NEB: variants seen among roughly 807,000 people sequenced by gnomAD.
NEB encodes nebulin, also known as nemaline myopathy type 2.
A neutral mutation model predicts 952.2 loss-of-function variants in NEB; 512 were observed. The ratio of observed to expected loss-of-function variants is 0.54; its 90% confidence interval spans 0.50 to 0.58. NEB has a LOEUF of 0.58. Ranked by LOEUF, NEB falls within the 20% of genes least tolerant of loss-of-function variation. The pLI, the probability that NEB is intolerant of heterozygous loss-of-function variation, is 0.00. For missense variants in NEB, 8,428 were observed against 9,231.1 expected (o/e 0.91, Z 3.56); for synonymous variants, 2,900 against 3,149.8 (o/e 0.92, Z 2.66).
rs544057137 is a variant in NEB, at chr2:151,561,993, G to A, written c.18996+117C>T. The A allele has an allele frequency of 3.7e-5, 27 of 738,506 alleles. No homozygotes were observed. In the East Asian group the frequency reaches 6.7e-4, roughly 18 times the overall value. 45.7% of individuals were successfully genotyped at this position (738,506 alleles called of 1,614,324 possible). On this transcript the variant is annotated intron_variant, in intron 121 of 181. Coordinates refer to ENST00000397345, the MANE Select transcript of NEB (RefSeq NM_001164508.2). ...CTTTGATTGGGAGAGGAGGGGCTTT[G>A]GTCAGTTAGAGCCTACACTGTTACA...
intron 20 of NEB, 23 bp downstream of exon 20, chr2:151,694,300 G>A: frequency 6.3e-7 from 1 of 1,585,392 alleles, no homozygotes; most frequent in Admixed American, 1.7e-5. Flanking sequence ...CTGAAAATAG[G>A]GGTGAATTAC....
rs781120429 is a variant in NEB, at chr2:151,727,737, G to T, written c.248C>A (p.Thr83Asn). Reference sequence around the variant, plus strand: ...TTTCTGACTGTGTGCAATGTAGGGGGTCATGAACTTTGAAGGATCCACTTT... The same window carrying T: ...TTTCTGACTGTGTGCAATGTAGGGGTTCATGAACTTTGAAGGATCCACTTT... The part of the protein sequence containing the change: ...RKKVDPSKFM[T>N]PYIAHSQKMQ... The change falls in exon 5 of 182, where the codon ACC (threonine) becomes AAC (asparagine). Residue 83 changes from threonine to asparagine, a missense_variant. Transcript: ENST00000397345. 3.7e-6 allele frequency: 6 copies of T among 1,613,676 alleles called. No homozygotes were observed. The highest frequency in any genetic ancestry group is 1.1e-5 in the South Asian group (1 of 91,086).
At position 151,729,622 on chromosome 2, in the gene NEB, G is replaced by A. The variant is rs185496567; in HGVS notation, c.71C>T (p.Pro24Leu). ...CTGTGGGCTGGGCCTTACCTCTCCC[G>A]GCACCTCTTCGTAAACCACTTCTTC... Reference protein sequence around the residue: ...YTEEVVYEEVPGETITKIYET... With the variant: ...YTEEVVYEEVLGETITKIYET... Residue 24 changes from proline to leucine, a missense_variant, in exon 4 of 182, where the codon CCG becomes CTG. This residue lies in a region of NEB where 2,851 missense variants were observed against 2,791.5 expected (regional missense o/e 1.02). Transcript: ENST00000397345. 136 of 1,613,224 alleles carry A rather than the reference G, an allele frequency of 8.4e-5. No individual in the cohort carries two copies. The African/African-American group carries it at 1.5e-3, about 18-fold the overall frequency.
intron 168 of NEB, among the ~76,000 whole-genome samples, chr2:151,500,252 C>CAAAG (rs1013988052): frequency 1.3e-5 from 2 of 151,994 alleles, no homozygotes; most frequent in African/African-American, 2.4e-5. Context: ...CTAATTATGT[C>CAAAG]AAAGAATCAA....
At chr2:151,541,635 A>T in intron 135 of NEB, 84 bp from the exon 136 acceptor site, 1 of 1,067,474 alleles carries the variant, frequency 9.4e-7, no homozygotes, top group Non-Finnish European at 1.4e-6. Flanking sequence ...GCTTTTACAT[A>T]GAAAAGGCAG....
At chr2:151,538,346 G>T in intron 138 of NEB, 102 bp from the exon 139 acceptor site, 2 of 873,762 alleles carry the variant, frequency 2.3e-6, no homozygotes, top group Non-Finnish European at 3.6e-6. Context: ...GTTTTCCCAT[G>T]AATACATTTA....
chr2:151,702,809 G>A (rs1205659338), intron 13 of NEB, among the ~76,000 whole-genome samples: 1 of 152,148 alleles, frequency 6.6e-6, no homozygotes, highest in Non-Finnish European at 1.5e-5. Flanking sequence ...GATGGGTCTT[G>A]ACTCTTTATC....
At position 151,682,676 on chromosome 2, in the gene NEB, C is replaced by T. The variant is rs1472842974; in HGVS notation, c.2929G>A (p.Asp977Asn). Residue 977 changes from aspartate (D) to asparagine (N), a missense_variant, in exon 29 of 182, where the codon GAC becomes AAC. Asp to Asn is a conservative substitution (Grantham distance 23). This residue lies in a region of NEB where 2,851 missense variants were observed against 2,791.5 expected (regional missense o/e 1.02). Coordinates refer to ENST00000397345, the MANE Select transcript of NEB (RefSeq NM_001164508.2). The stretch of plus-strand genomic sequence containing the variant: ...AGTGGCTTTACCTCATTGAGGATGT[C>T]TGAAGCTCGCTTTGCCTTTTCCATT... ...LEMEKAKRAS[D>N]ILNEKKYRQH... is the part of the protein sequence containing the mutation. 1 of 1,612,518 alleles carries T rather than the reference C, an allele frequency of 6.2e-7. No individual in the cohort carries two copies. Among genetic ancestry groups the T allele is most frequent in the Non-Finnish European group, 8.5e-7 (1 of 1,179,084 alleles).
In NEB at chr2:151,640,237, G is replaced by A. The variant is rs572744443; in HGVS notation, c.8685+118C>T. Reference sequence around the variant, plus strand: ...AAGGATTAAAATTCCTGTCGATAAAGGCAATGCTATTTGCCTCCTCCAGGG... The same window carrying A: ...AAGGATTAAAATTCCTGTCGATAAAAGCAATGCTATTTGCCTCCTCCAGGG... On this transcript the variant is annotated intron_variant, in intron 61 of 181. Coordinates refer to ENST00000397345, the MANE Select transcript of NEB (RefSeq NM_001164508.2). 7.3e-6 allele frequency: 11 copies of A among 1,499,052 alleles called. No homozygotes were observed. The South Asian group carries it at 1.3e-4, about 17-fold the overall frequency. The allele number at this position is 1,499,052 out of a possible 1,614,324, so 92.9% of individuals were successfully genotyped here.
intron 40 of NEB, among the ~76,000 whole-genome samples, chr2:151,666,894 A>C (rs1346090021): frequency 6.6e-6 from 1 of 152,072 alleles, no homozygotes; most frequent in African/African-American, 2.4e-5. Context: ...TATTTCCATT[A>C]TTAATTTGTA....
chr2:151,562,552 T>C (rs1577655162), intron 120 of NEB, 59 bp downstream of exon 120: 2 of 1,420,302 alleles, frequency 1.4e-6, no homozygotes, highest in African/African-American at 1.4e-5. Flanking sequence ...GGTTGGGGGG[T>C]AGCCAAGACA....
chr2:151,625,150 A>G (rs2098495375), intron 71 of NEB, among the ~76,000 whole-genome samples: 1 of 152,214 alleles, frequency 6.6e-6, no homozygotes, highest in African/African-American at 2.4e-5. Flanking sequence ...TAAGGTAAGC[A>G]TTTTAATCCT....
intron 45 of NEB, 107 bp downstream of exon 45, chr2:151,663,441 A>T: frequency 9.1e-7 from 1 of 1,103,800 alleles, no homozygotes; most frequent in Admixed American, 2.7e-5. Context: ...TATGTTGGGA[A>T]ATTGCAGATG....
chr2:151,627,319 C>G, intron 69 of NEB, 114 bp from the exon 70 acceptor site: 1 of 1,400,278 alleles, frequency 7.1e-7, no homozygotes, highest in African/African-American at 1.4e-5. Context: ...ATACGTTCTT[C>G]AATATATGAA....
Position 151,641,086 on chromosome 2 carries a change from A to G in NEB, c.8374-420T>C, listed in dbSNP as rs112406355. Among the ~76,000 whole-genome samples the G allele has an allele frequency of 3.8e-3, 574 of 152,312 alleles. 6 individuals carry two copies. Among genetic ancestry groups the G allele is most frequent in the African/African-American group, 0.013 (537 of 41,580 alleles). On this transcript the variant is annotated intron_variant, in intron 60 of 181. Transcript: ENST00000397345. Reference sequence around the variant, plus strand: ...TACTATGTGTCAGGCACAATTCTAGATAAGTACCGCAGATTCAATAAAAAT... The same window carrying G: ...TACTATGTGTCAGGCACAATTCTAGGTAAGTACCGCAGATTCAATAAAAAT...
At chr2:151,560,844 T>A (rs1217676987) in intron 123 of NEB, 145 bp from the exon 124 acceptor site, 1 of 770,332 alleles carries the variant, frequency 1.3e-6, no homozygotes, top group Non-Finnish European at 2.1e-6. Flanking sequence ...CTTATTTAAT[T>A]GTACCTACTA....
At chr2:151,606,062 C>T (rs1420676353) in intron 84 of NEB, among the ~76,000 whole-genome samples, 3 of 87,510 alleles carry the variant, frequency 3.4e-5, no homozygotes, top group Non-Finnish European at 3.0e-5. Flanking sequence ...TCAGGTGATC[C>T]GCCCACCTCA....
chr2:151,711,511 CTT>C (rs1450911216), intron 10 of NEB, among the ~76,000 whole-genome samples: 1 of 152,184 alleles, frequency 6.6e-6, no homozygotes, highest in East Asian at 1.9e-4. Context: ...TTAGAGGAAA[CTT>C]AGCCCTCACT....
intron 135 of NEB, 106 bp downstream of exon 135, chr2:151,545,782 G>C: frequency 1.5e-6 from 1 of 647,428 alleles, no homozygotes; most frequent in Non-Finnish European, 2.7e-6. Context: ...TTTACCTGCC[G>C]CAGTTGCCTG....
Sources: gnomAD v4.1 joint callset for allele counts (sites outside exome capture counted in the v4.1 genomes callset) on GRCh38, gnomAD v4.1.1 for gene constraint, gnomAD v4.1.1 regional missense constraint, MANE v1.5 for transcripts, NCBI Gene and HGNC (gene_info 2026-07-23, HGNC 2026-07-21) for gene names.